The following NLRP11 variants were observed in gnomAD, a reference collection of about 807,000 sequenced individuals.
NLRP11 encodes NLR family pyrin domain containing 11, also known as NACHT, LRR and PYD domains-containing protein 11.
A neutral mutation model predicts 79.3 loss-of-function variants in NLRP11; 53 were observed. That is an observed-to-expected ratio of 0.67 (90% CI 0.54 to 0.84). The LOEUF is 0.84. Among genes scored for constraint, NLRP11 ranks in the 40% least tolerant of loss-of-function variants. NLRP11 has a pLI of 0.00. For missense variants in NLRP11, 1,264 were observed against 1,255.0 expected (o/e 1.01, Z -0.11); for synonymous variants, 518 against 462.6 (o/e 1.12, Z -1.54).
intron 5 of NLRP11, 87 bp from the exon 6 acceptor site, chr19:55,796,337 T>G: frequency 9.4e-7 from 1 of 1,065,070 alleles, no homozygotes; most frequent in Non-Finnish European, 1.3e-6. Flanking sequence ...AAGAGAGACC[T>G]AACCAAGTGC....
At chr19:55,830,414 C>A (rs548738680) in intron 1 of NLRP11, among the ~76,000 whole-genome samples, 278 of 152,172 alleles carry the variant, frequency 1.8e-3, no homozygotes, top group African/African-American at 6.0e-3. Context: ...TCCCTAAACA[C>A]TGTTGTATGA....
At chr19:55,812,982 C>T (rs1028131761) in intron 2 of NLRP11, among the ~76,000 whole-genome samples, 5 of 152,094 alleles carry the variant, frequency 3.3e-5, no homozygotes, top group Admixed American at 1.3e-4. Flanking sequence ...AGTTCAGGTT[C>T]CCACCTGATA....
At chr19:55,819,838 A>C (rs1188348882) in intron 1 of NLRP11, among the ~76,000 whole-genome samples, 1 of 152,202 alleles carries the variant, frequency 6.6e-6, no homozygotes, top group Non-Finnish European at 1.5e-5. Flanking sequence ...CTGGTATTGT[A>C]GACACACTCA....
intron 7 of NLRP11, among the ~76,000 whole-genome samples, chr19:55,791,078 G>A (rs1424794702): frequency 6.6e-6 from 1 of 152,136 alleles, no homozygotes; most frequent in Non-Finnish European, 1.5e-5. Context: ...AAGTTTTATT[G>A]GAACATAGCC....
intron 5 of NLRP11, among the ~76,000 whole-genome samples, chr19:55,798,005 T>A (rs8104975): frequency 0.013 from 1,921 of 151,186 alleles, 49 homozygotes; most frequent in African/African-American, 0.045. Flanking sequence ...TATTATTTTT[T>A]TTTTTTTTGA....
At chr19:55,822,794 G>C (rs1981900084) in intron 1 of NLRP11, among the ~76,000 whole-genome samples, 1 of 152,132 alleles carries the variant, frequency 6.6e-6, no homozygotes, top group South Asian at 2.1e-4. Flanking sequence ...TGCTAGCACA[G>C]CAGTCTGAGA....
rs111792199 is a variant in NLRP11, at chr19:55,792,290, G to C, written c.2513+11C>G. ...AAACACAGTCATCCAGGACAACTGT[G>C]GGAGACTTACTGAAGCTCCTCTAAC... On this transcript the variant is annotated intron_variant, in intron 7 of 9. Transcript: ENST00000589093. The C allele has an allele frequency of 2.1e-4, 335 of 1,611,510 alleles. 2 individuals carry two copies. The African/African-American group carries it at 3.5e-3, about 17-fold the overall frequency.
intron 6 of NLRP11, 128 bp downstream of exon 6, chr19:55,795,952 C>T: frequency 2.5e-6 from 2 of 794,530 alleles, no homozygotes; most frequent in Non-Finnish European, 4.1e-6. Flanking sequence ...ACCTACTGAA[C>T]TCCAAAGACT....
chr19:55,794,716 C>A (rs1361185567), intron 6 of NLRP11, among the ~76,000 whole-genome samples: 2 of 151,708 alleles, frequency 1.3e-5, no homozygotes, highest in East Asian at 3.9e-4. Flanking sequence ...GCCGAGATCG[C>A]GCCACCGCAC....
At chr19:55,812,258 C>T (rs1375588109) in intron 2 of NLRP11, among the ~76,000 whole-genome samples, 1 of 152,146 alleles carries the variant, frequency 6.6e-6, no homozygotes, top group Non-Finnish European at 1.5e-5. Context: ...GATGGATGCT[C>T]TGTAACTTAA....
At position 55,809,200 on chromosome 19, in the gene NLRP11, C is replaced by G. The variant is rs750900329; in HGVS notation, c.1410G>C (p.Leu470=). 6.2e-7 allele frequency: 1 copy of G among 1,613,748 alleles called. No homozygotes were observed. Among genetic ancestry groups the G allele is most frequent in the South Asian group, 1.1e-5 (1 of 91,078 alleles). ...TATACTCTCTGCTGCCTGAGGGGATCAGATAGTTGGGTACTGCCATCAGAA... is the reference window on the plus strand; with the variant it reads ...TATACTCTCTGCTGCCTGAGGGGATGAGATAGTTGGGTACTGCCATCAGAA... Residue 470 remains leucine, a synonymous_variant, in exon 3 of 10, where the codon CTG becomes CTC. Coordinates refer to ENST00000589093, the Ensembl canonical transcript of NLRP11. The surrounding 1 kb of genome is among the most constrained non-coding windows in gnomAD (Gnocchi z 4.5).
chr19:55,806,804 C>T (rs1026923317), intron 4 of NLRP11, among the ~76,000 whole-genome samples: 1 of 152,296 alleles, frequency 6.6e-6, no homozygotes. Context: ...CCCTTCCTGC[C>T]TCACACTGGT....
exon 3 of NLRP11, chr19:55,810,191 C>G (rs1282630358): frequency 6.2e-7 from 1 of 1,614,026 alleles, no homozygotes; most frequent in Non-Finnish European, 8.5e-7. Context: ...TGAATAATAG[C>G]TGGTAGAATC....
intron 7 of NLRP11, among the ~76,000 whole-genome samples, chr19:55,791,793 G>T (rs2122719695): frequency 6.6e-6 from 1 of 152,234 alleles, no homozygotes; most frequent in East Asian, 1.9e-4. Flanking sequence ...TTTTTTCCTG[G>T]AAGTTCAATC....
At chr19:55,785,492 G>GACACAC (rs1568623957) in exon 10 of NLRP11, 54 of 652,750 alleles carry the variant, frequency 8.3e-5, no homozygotes, top group African/African-American at 4.3e-4. Context: ...CTGGATCAAG[G>GACACAC]TCACACACAC....
chr19:55,823,171 AGG>A (rs1981975432), intron 1 of NLRP11, among the ~76,000 whole-genome samples: 1 of 146,246 alleles, frequency 6.8e-6, no homozygotes, highest in African/African-American at 2.6e-5. Context: ...CTCACACGGC[AGG>A]GTATTCCAAC....
Position 55,809,543 on chromosome 19 carries a change from C to T in NLRP11, c.1067G>A (p.Gly356Glu). 6.2e-7 allele frequency: 1 copy of T among 1,614,174 alleles called. No homozygotes were observed. The highest frequency in any genetic ancestry group is 8.5e-7 in the Non-Finnish European group (1 of 1,180,036). Residue 356 changes from glycine (G) to glutamate (E), a missense_variant, in exon 3 of 10, where the codon GGG (glycine) becomes GAG (glutamate). By Grantham distance (98) the Gly-to-Glu change is moderately conservative (BLOSUM62 -2). Coordinates refer to ENST00000589093, the Ensembl canonical transcript of NLRP11. The surrounding 1 kb of genome is among the most constrained non-coding windows in gnomAD (Gnocchi z 4.5). The stretch of plus-strand genomic sequence containing the variant: ...TTGGCAGCAGAGCTGGAAGTCACGC[C>T]CCTTGTCCATCTGCCGCTTCAGGAC...
chr19:55,835,359 T>C (rs62127053), upstream of NLRP11, among the ~76,000 whole-genome samples: 1 of 152,242 alleles, frequency 6.6e-6, no homozygotes, highest in Non-Finnish European at 1.5e-5. Flanking sequence ...CTAAAAAACT[T>C]AGCGCCTGTT....
intron 1 of NLRP11, among the ~76,000 whole-genome samples, chr19:55,821,402 G>A (rs571913668): frequency 1.1e-4 from 17 of 152,258 alleles, no homozygotes; most frequent in African/African-American, 3.6e-4. Flanking sequence ...TTTGTCCCAT[G>A]TGCCTCTTTG....
Sources: gnomAD v4.1 joint callset for allele counts (sites outside exome capture counted in the v4.1 genomes callset) on GRCh38, gnomAD v4.1.1 for gene constraint, Gnocchi (gnomAD v3.1) non-coding constraint, MANE v1.5 for transcripts, NCBI Gene and HGNC (gene_info 2026-07-23, HGNC 2026-07-21) for gene names.